PLBD2: variants seen among roughly 807,000 people sequenced by gnomAD.
PLBD2 encodes the protein putative aminopeptidase PLBD2.
Under a neutral mutation model 68.3 loss-of-function variants are expected in PLBD2, and 51 were observed. The ratio of observed to expected loss-of-function variants is 0.75; its 90% confidence interval spans 0.60 to 0.94. The LOEUF is 0.94. Ranked by LOEUF, PLBD2 falls within the 40% of genes least tolerant of loss-of-function variation. The pLI is 0.00. For synonymous variants in PLBD2, 314 were observed against 339.3 expected (o/e 0.93, Z 0.82); for missense variants, 729 against 792.2 (o/e 0.92, Z 0.96).
chr12:113,386,830 G>A (rs761254017), intron 9 of PLBD2, 107 bp from the exon 10 acceptor site: 18 of 1,354,526 alleles, frequency 1.3e-5, no homozygotes, highest in Non-Finnish European at 1.8e-5. Context: ...GAATGTCGTA[G>A]TTGTAAGTAA....
At chr12:113,374,657 C>A in intron 4 of PLBD2, 83 bp downstream of exon 4, 1 of 1,451,302 alleles carries the variant, frequency 6.9e-7, no homozygotes, top group Non-Finnish European at 9.5e-7. Flanking sequence ...CAGCATCAAC[C>A]TTGCCACTCC....
intron 9 of PLBD2, among the ~76,000 whole-genome samples, chr12:113,386,021 G>A (rs1268977801): frequency 1.3e-5 from 2 of 152,234 alleles, no homozygotes; most frequent in Non-Finnish European, 2.9e-5. Context: ...AAAGTGCTGG[G>A]ATTATAGGCA....
In PLBD2 at chr12:113,372,791, C is replaced by A. The variant is rs748247018; in HGVS notation, c.527C>A (p.Ser176Ter). Reference sequence around the variant, plus strand: ...GAAGAGATGGAGTCAAACCCAGACTCACCTTACTGGCACCAGGTGAGTCCT... The same window carrying A: ...GAAGAGATGGAGTCAAACCCAGACTAACCTTACTGGCACCAGGTGAGTCCT... ...MQEEMESNPDSPYWHQVRLTL... is the reference protein window; with the variant it reads ...MQEEMESNPD Residue 176 changes from serine to a stop codon, truncating the protein, a stop_gained, in exon 3 of 12, where the codon TCA (serine) becomes TAA (stop). Coordinates refer to ENST00000280800, the MANE Select transcript of PLBD2 (RefSeq NM_173542.4). LOFTEE classifies it high-confidence loss of function. This position sits in a 1 kb window ranked among gnomAD's most constrained non-coding sequence, Gnocchi z 4.2. The A allele has an allele frequency of 6.2e-7, 1 of 1,613,494 alleles. No homozygotes were observed. The highest frequency in any genetic ancestry group is 8.5e-7 in the Non-Finnish European group (1 of 1,179,952).
Position 113,370,229 on chromosome 12 carries a change from T to A in PLBD2, c.384+1020T>A, listed in dbSNP as rs186307238. On this transcript the variant is annotated intron_variant, in intron 2 of 11. Coordinates refer to ENST00000280800, the MANE Select transcript of PLBD2 (RefSeq NM_173542.4). ...TGTACATTTTTAAATGTGAATTTTA[T>A]GGTATGCTGACTATATCTCAATATA... Among the ~76,000 whole-genome samples, 744 of 152,146 alleles carry A rather than the reference T, an allele frequency of 4.9e-3. 7 individuals are homozygous for A. Among genetic ancestry groups the A allele is most frequent in the African/African-American group, 0.017 (692 of 41,490 alleles).
At chr12:113,377,048 A>T (rs1210929125) in intron 5 of PLBD2, 1 of 152,210 alleles carries the variant, frequency 6.6e-6, no homozygotes, top group Non-Finnish European at 1.5e-5. Context: ...TACTTTTAAG[A>T]GGAATCCAGC....
rs139633374 is a variant in PLBD2, at chr12:113,366,042, A to G, written c.291-3074A>G. 5.8e-4 allele frequency among the ~76,000 whole-genome samples: 89 copies of G among 152,234 alleles called. 2 individuals are homozygous for G. The highest frequency in any genetic ancestry group is 2.0e-3 in the African/African-American group (83 of 41,542). On this transcript the variant is annotated intron_variant, in intron 1 of 11. Transcript: ENST00000280800. ...CCAGATGAACATCATTCATCCTTAG[A>G]TACCCTCAATGTCTGGCAGCCAGTA... is the stretch of plus-strand genomic sequence containing the variant.
intron 1 of PLBD2, among the ~76,000 whole-genome samples, chr12:113,360,477 A>G (rs1957282061): frequency 6.6e-6 from 1 of 152,158 alleles, no homozygotes; most frequent in Non-Finnish European, 1.5e-5. Context: ...TAAACATGGA[A>G]GTGGAGAGAA....
At chr12:113,379,809 T>A (rs1287814883) in intron 5 of PLBD2, among the ~76,000 whole-genome samples, 8 of 151,374 alleles carry the variant, frequency 5.3e-5, no homozygotes, top group African/African-American at 1.9e-4. Context: ...CGAAACTCTG[T>A]CTCAAAAAAA....
chr12:113,369,670 C>T (rs183729358), intron 2 of PLBD2, among the ~76,000 whole-genome samples: 8 of 152,164 alleles, frequency 5.3e-5, no homozygotes, highest in Admixed American at 3.9e-4. Context: ...ACGAAAAAAA[C>T]CAGTCACAAA....
rs1957610930 is a variant in PLBD2 at position 113,391,596 on chromosome 12, TAAA to T, written c.*2971_*2973del. ...AGTGCTGGTAAACCCGTGGAGAAAATAAAGCAAGGTTGGGGTCTGGGGTTGGGA... is the reference window on the plus strand; with the variant it reads ...AGTGCTGGTAAACCCGTGGAGAAAATGCAAGGTTGGGGTCTGGGGTTGGGA... On this transcript the variant is annotated 3_prime_UTR_variant, in exon 12 of 12. Coordinates refer to ENST00000280800, the MANE Select transcript of PLBD2 (RefSeq NM_173542.4). 6.6e-6 allele frequency: 1 copy of T among 152,122 alleles called. No homozygotes were observed. Among genetic ancestry groups the T allele is most frequent in the Non-Finnish European group, 1.5e-5 (1 of 68,026 alleles). 9.4% of individuals were successfully genotyped at this position (152,122 alleles called of 1,614,324 possible). A position where few individuals can be genotyped will look rare whatever the true frequency, so the allele number is the denominator to read the frequency against.
At chr12:113,375,047 G>A (rs987287869) in intron 5 of PLBD2, 40 bp downstream of exon 5, 12 of 1,593,866 alleles carry the variant, frequency 7.5e-6, no homozygotes, top group Non-Finnish European at 8.6e-6. Flanking sequence ...GAGCAGGTGG[G>A]TGGGCACACA....
chr12:113,369,560 T>TA (rs1280054641), intron 2 of PLBD2, among the ~76,000 whole-genome samples: 1 of 152,072 alleles, frequency 6.6e-6, no homozygotes, highest in Non-Finnish European at 1.5e-5. Flanking sequence ...AATGGATACA[T>TA]ACAACGTGAT....
In PLBD2 at chr12:113,388,842, T is replaced by C; in HGVS notation, c.*216T>C. ...AGGTGGGTGGGCACCGTGGCGTCTC[T>C]TCTGCCCTGCCCTAAATCTCCCACT... On this transcript the variant is annotated 3_prime_UTR_variant, in exon 12 of 12. Transcript: ENST00000280800. 1 of 480,870 alleles carries C rather than the reference T, an allele frequency of 2.1e-6. No homozygotes were observed. The highest frequency in any genetic ancestry group is 3.6e-6 in the Non-Finnish European group (1 of 277,604). 29.8% of individuals were successfully genotyped at this position (480,870 alleles called of 1,614,324 possible).
At chr12:113,376,649 T>A (rs1957440493) in intron 5 of PLBD2, 1 of 152,194 alleles carries the variant, frequency 6.6e-6, no homozygotes, top group Non-Finnish European at 1.5e-5. Context: ...GAATACATTC[T>A]TCCTGTCAAA....
chr12:113,384,618 G>A lies in PLBD2; in HGVS notation c.1119-233G>A, dbSNP rs989376381. Among the ~76,000 whole-genome samples, 5 of 152,146 alleles carry A rather than the reference G, an allele frequency of 3.3e-5. No homozygotes were observed. Among genetic ancestry groups the A allele is most frequent in the Non-Finnish European group, 4.4e-5 (3 of 68,024 alleles). On this transcript the variant is annotated intron_variant, in intron 7 of 11. Transcript: ENST00000280800. The surrounding 1 kb of genome is among the most constrained non-coding windows in gnomAD (Gnocchi z 4.2). ...GGGCAGTGCAGATCTTACAGCATCC[G>A]GCAGAGGAGCTGACCTAGGGAGCCA...
rs758054776 is a variant in PLBD2 at position 113,390,731 on chromosome 12, C to G, written c.*2105C>G. On this transcript the variant is annotated 3_prime_UTR_variant, in exon 12 of 12. Coordinates refer to ENST00000280800, the MANE Select transcript of PLBD2 (RefSeq NM_173542.4). ...TTTATCATCCATCTACCCACTCACC[C>G]ATCCATCCATCCTTCCAACCATTTA... 6.6e-6 allele frequency: 1 copy of G among 152,008 alleles called. No homozygotes were observed. 9.4% of individuals were successfully genotyped at this position (152,008 alleles called of 1,614,324 possible). A position where few individuals can be genotyped will look rare whatever the true frequency, so the allele number is the denominator to read the frequency against.
At position 113,387,149 on chromosome 12, in the gene PLBD2, T is replaced by C. The variant is rs547998110; in HGVS notation, c.1439+60T>C. 1.0e-5 allele frequency: 15 copies of C among 1,497,726 alleles called. No homozygotes were observed. In the East Asian group the frequency reaches 1.8e-4, roughly 17 times the overall value. 92.8% of individuals were successfully genotyped at this position (1,497,726 alleles called of 1,614,324 possible). A position where few individuals can be genotyped will look rare whatever the true frequency, so the allele number is the denominator to read the frequency against. On this transcript the variant is annotated intron_variant, in intron 10 of 11. Transcript: ENST00000280800. The stretch of plus-strand genomic sequence containing the variant: ...GAGGCCGCAGGAACACAGAACTTCC[T>C]GTGCGCTTTTTGTACCAACTCATTC...
At chr12:113,382,868 T>TGTGTGTCTG (rs1491184280) in intron 6 of PLBD2, among the ~76,000 whole-genome samples, 2 of 83,522 alleles carry the variant, frequency 2.4e-5, no homozygotes, top group Admixed American at 1.2e-4. Context: ...TGTGTGTGTG[T>TGTGTGTCTG]TTTTTTTTTT....
At chr12:113,368,599 G>T (rs529226069) in intron 1 of PLBD2, among the ~76,000 whole-genome samples, 1 of 152,306 alleles carries the variant, frequency 6.6e-6, no homozygotes, top group South Asian at 2.1e-4. Flanking sequence ...GAAGGAGCAG[G>T]GAAGGATACT....
Sources: gnomAD v4.1 joint callset for allele counts (sites outside exome capture counted in the v4.1 genomes callset) on GRCh38, gnomAD v4.1.1 for gene constraint, Gnocchi (gnomAD v3.1) non-coding constraint, MANE v1.5 for transcripts, NCBI Gene and HGNC (gene_info 2026-07-23, HGNC 2026-07-21) for gene names.